Variants in ADRA1B observed in about 807,000 individuals in gnomAD.
ADRA1B encodes the protein adrenoceptor alpha 1B, also known as alpha-1B adrenergic receptor.
ADRA1B carries 17 observed loss-of-function variants against 17.9 expected under a neutral mutation model. The observed-to-expected ratio is 0.95, with a 90% confidence interval of 0.65 to 1.42. ADRA1B has a LOEUF of 1.42. Ranked by LOEUF, ADRA1B falls within the 40% of genes most tolerant of loss-of-function variation. ADRA1B has a pLI of 0.00. For missense variants in ADRA1B, 681 were observed against 722.1 expected (o/e 0.94, Z 0.65); for synonymous variants, 366 against 327.6 (o/e 1.12, Z -1.27).
At chr5:159,902,903 G>C (rs891901) in intron 1 of ADRA1B, among the ~76,000 whole-genome samples, 1 of 152,104 alleles carries the variant, frequency 6.6e-6, no homozygotes, top group African/African-American at 2.4e-5. Context: ...CCTCTGGCGT[G>C]TGTCTATTCC....
chr5:159,931,608 C>T (rs1054365911), intron 1 of ADRA1B, among the ~76,000 whole-genome samples: 7 of 152,130 alleles, frequency 4.6e-5, no homozygotes, highest in African/African-American at 1.4e-4. Context: ...ATCATATCAC[C>T]TGCCTCAGTC....
the ADRA1B span, among the ~76,000 whole-genome samples, chr5:159,986,901 G>A: frequency 6.6e-6 from 1 of 152,148 alleles, no homozygotes; most frequent in Non-Finnish European, 1.5e-5. Flanking sequence ...GGTCCACTTT[G>A]CTAAACACCG....
intron 1 of ADRA1B, among the ~76,000 whole-genome samples, chr5:159,878,290 G>A (rs1753823399): frequency 6.6e-6 from 1 of 152,162 alleles, no homozygotes; most frequent in Non-Finnish European, 1.5e-5. Flanking sequence ...TGAGCACAGG[G>A]TTTGCACTGG....
At position 159,892,071 on chromosome 5, in the gene ADRA1B, T is replaced by C. The variant is rs373872589; in HGVS notation, c.-255-24048T>C. Among the ~76,000 whole-genome samples, 17 of 152,154 alleles carry C rather than the reference T, an allele frequency of 1.1e-4. No homozygotes were observed. The East Asian group carries it at 1.5e-3, about 14-fold the overall frequency. On this transcript the variant is annotated intron_variant, in intron 1 of 2. Transcript: ENST00000641205. Reference sequence around the variant, plus strand: ...GGCCAACATGGTGAAACCCCACCTCTACTAAAAATACAAAAATTAGCTGGG... The same window carrying C: ...GGCCAACATGGTGAAACCCCACCTCCACTAAAAATACAAAAATTAGCTGGG...
At chr5:159,872,972 A>G (rs1378755662) in intron 1 of ADRA1B, among the ~76,000 whole-genome samples, 1 of 123,058 alleles carries the variant, frequency 8.1e-6, no homozygotes, top group African/African-American at 3.3e-5. Flanking sequence ...TCCCCTCCCT[A>G]TGTCCATGTG....
intron 1 of ADRA1B, among the ~76,000 whole-genome samples, chr5:159,920,684 C>T (rs1188966168): frequency 6.6e-6 from 1 of 152,144 alleles, no homozygotes; most frequent in Non-Finnish European, 1.5e-5. Context: ...GAGCTTCAAA[C>T]AAAGAAGGTA....
At chr5:159,939,322 T>TGTGTGTGC (rs1554090928) in intron 1 of ADRA1B, among the ~76,000 whole-genome samples, 2 of 107,604 alleles carry the variant, frequency 1.9e-5, no homozygotes, top group Non-Finnish European at 3.9e-5. Flanking sequence ...TGTGTGTGTG[T>TGTGTGTGC]GCGCGCGCGC....
intron 1 of ADRA1B, among the ~76,000 whole-genome samples, chr5:159,936,614 T>C (rs916913916): frequency 6.6e-6 from 1 of 152,084 alleles, no homozygotes; most frequent in Non-Finnish European, 1.5e-5. Context: ...GAAAAACAAA[T>C]TGTATCAGTG....
chr5:159,876,559 A>C (rs904938201), intron 1 of ADRA1B, among the ~76,000 whole-genome samples: 41 of 152,190 alleles, frequency 2.7e-4, no homozygotes, highest in African/African-American at 9.6e-4. Context: ...CAGACCAAAC[A>C]TGGCTCATTC....
intron 1 of ADRA1B, among the ~76,000 whole-genome samples, chr5:159,946,858 T>C (rs534678517): frequency 6.6e-6 from 1 of 152,270 alleles, no homozygotes; most frequent in East Asian, 1.9e-4. Flanking sequence ...CCACGACACA[T>C]GAGTTTGCAG....
At chr5:159,950,388 G>T in intron 1 of ADRA1B, 1 of 644,938 alleles carries the variant, frequency 1.6e-6, no homozygotes, top group Non-Finnish European at 2.8e-6. Flanking sequence ...TGTGAGGAGG[G>T]GAGAGTCTCA....
At chr5:159,948,106 T>A (rs1755327639) in intron 1 of ADRA1B, 3 of 985,338 alleles carry the variant, frequency 3.0e-6, no homozygotes, top group Non-Finnish European at 3.6e-6. Context: ...TGAAAGTCTC[T>A]GTACCTTCAT....
At chr5:159,912,114 T>A (rs570551550), upstream of ADRA1B, among the ~76,000 whole-genome samples, 24 of 152,342 alleles carry the variant, frequency 1.6e-4, no homozygotes, top group African/African-American at 5.0e-4. Context: ...TCCTAACAGA[T>A]AGTATTACTA....
Position 159,972,223 on chromosome 5 carries a change from G to T in ADRA1B, c.1294G>T (p.Gly432Cys). 1 of 1,354,448 alleles carries T rather than the reference G, an allele frequency of 7.4e-7. No homozygotes were observed. The highest frequency in any genetic ancestry group is 3.1e-5 in the Admixed American group (1 of 32,320). The allele number at this position is 1,354,448 out of a possible 1,614,324, so 83.9% of individuals were successfully genotyped here. Residue 432 changes from glycine (G) to cysteine (C), a missense_variant, in exon 2 of 2, where the codon GGC becomes TGC. Gly to Cys is a radical substitution (Grantham distance 159). This residue lies in a region of ADRA1B where 251 missense variants were observed against 224.9 expected (regional missense o/e 1.12). Transcript: ENST00000306675. ...PSASPSPGYL[G>C]RGAPPPVELC... ...GGCCTCGCCGAGCCCGGGCTACCTGGGCCGCGGCGCGCCACCGCCAGTCGA... is the reference window on the plus strand; with the variant it reads ...GGCCTCGCCGAGCCCGGGCTACCTGTGCCGCGGCGCGCCACCGCCAGTCGA...
intron 1 of ADRA1B, among the ~76,000 whole-genome samples, chr5:159,898,107 G>A (rs1045306273): frequency 1.3e-5 from 2 of 152,238 alleles, no homozygotes; most frequent in Non-Finnish European, 2.9e-5. Flanking sequence ...AGCCTGATCT[G>A]TGGTGTCTCT....
rs371948194 is a variant in ADRA1B, at chr5:159,917,677, A to G, written c.772A>G (p.Lys258Glu). The change falls in exon 1 of 2, where the codon AAG (lysine) becomes GAG (glutamate). Residue 258 changes from lysine to glutamate, a missense_variant. By Grantham distance (56) the Lys-to-Glu change is moderately conservative. Coordinates refer to ENST00000306675, the MANE Select transcript of ADRA1B (RefSeq NM_000679.4). Reference sequence around the variant, plus strand: ...GGAGCTGACCCTGAGGATCCATTCCAAGAACTTTCACGAGGACACCCTTAG... The same window carrying G: ...GGAGCTGACCCTGAGGATCCATTCCGAGAACTTTCACGAGGACACCCTTAG... ...SKELTLRIHS[K>E]NFHEDTLSST... is the part of the protein sequence containing the mutation. 6.2e-7 allele frequency: 1 copy of G among 1,613,926 alleles called. No homozygotes were observed. The highest frequency in any genetic ancestry group is 8.5e-7 in the Non-Finnish European group (1 of 1,180,030).
intron 1 of ADRA1B, among the ~76,000 whole-genome samples, chr5:159,911,442 G>T (rs747822774): frequency 1.2e-4 from 18 of 152,220 alleles, no homozygotes; most frequent in Non-Finnish European, 2.5e-4. Flanking sequence ...TCACTCCCCA[G>T]CTCCCAGGCT....
At chr5:159,872,331 T>A (rs1014977393) in intron 1 of ADRA1B, among the ~76,000 whole-genome samples, 2 of 152,110 alleles carry the variant, frequency 1.3e-5, no homozygotes, top group African/African-American at 4.8e-5. Context: ...AGCTGCTTCT[T>A]CTTGTCCCCA....
the ADRA1B span, among the ~76,000 whole-genome samples, chr5:159,987,799 C>G: frequency 6.6e-6 from 1 of 152,106 alleles, no homozygotes; most frequent in African/African-American, 2.4e-5. Context: ...ATGAGTCTGA[C>G]TAATTTTATA....
Sources: allele counts gnomAD v4.1 joint callset (sites outside exome capture counted in the v4.1 genomes callset), GRCh38; gene constraint gnomAD v4.1.1; regional missense constraint gnomAD v4.1.1; transcripts MANE v1.5; gene names NCBI Gene and HGNC (gene_info 2026-07-23, HGNC 2026-07-21).